IDO2: variants seen among roughly 807,000 people sequenced by gnomAD.
The protein encoded by IDO2 is indoleamine 2,3-dioxygenase 2.
IDO2 carries 46 observed loss-of-function variants against 45.1 expected under a neutral mutation model. The observed-to-expected ratio is 1.02, with a 90% CI of 0.80 to 1.30. The LOEUF (loss-of-function observed/expected upper bound fraction) is 1.30. Among genes scored for constraint, IDO2 ranks in the 50% most tolerant of loss-of-function variants. The probability of loss-of-function intolerance (pLI) is 0.00; values close to 1 mark genes in which losing one functional copy is unlikely to be tolerated. For missense variants in IDO2, 544 were observed against 491.8 expected, an observed-to-expected ratio of 1.11 and a Z score of -1.00; for synonymous variants, 218 against 184.9, an observed-to-expected ratio of 1.18 and a Z score of -1.45.
chr8:40,002,113 C>T (rs1802146831), intron 8 of IDO2, among the ~76,000 whole-genome samples: 1 of 152,106 alleles, frequency 6.6e-6, no homozygotes, highest in Non-Finnish European at 1.5e-5. Context: ...GTATTTTCTT[C>T]TAAAGTTGTT....
At chr8:39,940,100 C>T (rs1209103458) in intron 1 of IDO2, among the ~76,000 whole-genome samples, 1 of 152,270 alleles carries the variant, frequency 6.6e-6, no homozygotes, top group South Asian at 2.1e-4. Context: ...TTTCTAAGCA[C>T]AATTGTCTCT....
chr8:39,959,070 T>C (rs565371662), intron 2 of IDO2, among the ~76,000 whole-genome samples: 1 of 152,154 alleles, frequency 6.6e-6, no homozygotes, highest in Admixed American at 6.5e-5. Context: ...TGATTAATAC[T>C]GTTGTGCTAC....
intron 9 of IDO2, 68 bp from the exon 10 acceptor site, chr8:40,013,497 T>G (rs1182608430): frequency 2.8e-6 from 4 of 1,438,058 alleles, no homozygotes; most frequent in African/African-American, 1.4e-5. Context: ...ACTCTCAGTT[T>G]CCATGTCAGA....
chr8:40,003,965 CT>C (rs1451406041), intron 8 of IDO2, among the ~76,000 whole-genome samples: 2 of 150,150 alleles, frequency 1.3e-5, no homozygotes, highest in African/African-American at 5.0e-5. Flanking sequence ...TTTTTTACAT[CT>C]ATTGAAATCA....
intron 6 of IDO2, 46 bp downstream of exon 6, chr8:39,985,568 T>G (rs1808410763): frequency 1.2e-5 from 18 of 1,490,758 alleles, no homozygotes; most frequent in East Asian, 2.4e-5. Flanking sequence ...CCAGGCCAAA[T>G]TTAAAATCTT....
At chr8:39,952,498 T>G (rs142160761) in intron 2 of IDO2, among the ~76,000 whole-genome samples, 171 of 152,310 alleles carry the variant, frequency 1.1e-3, no homozygotes, top group African/African-American at 3.8e-3. Context: ...CAGTCTGACT[T>G]AGTTTCAAAT....
chr8:40,014,355 T>C (rs1015273850), intron 10 of IDO2, among the ~76,000 whole-genome samples: 1 of 152,246 alleles, frequency 6.6e-6, no homozygotes, highest in Non-Finnish European at 1.5e-5. Context: ...ACATTAATGG[T>C]TGATTTACTT....
At chr8:39,974,728 C>T (rs1172009752) in intron 3 of IDO2, among the ~76,000 whole-genome samples, 3 of 152,190 alleles carry the variant, frequency 2.0e-5, no homozygotes, top group Non-Finnish European at 4.4e-5. Context: ...CTAGACCATC[C>T]TGGCCAATAT....
At chr8:39,952,728 C>T (rs914815324) in intron 2 of IDO2, among the ~76,000 whole-genome samples, 1 of 151,256 alleles carries the variant, frequency 6.6e-6, no homozygotes, top group East Asian at 1.9e-4. Flanking sequence ...CAGCAGGAGA[C>T]AAGAGTGAAG....
At chr8:40,004,574 A>ATAGATAGATGATAGT (rs1563441380) in intron 8 of IDO2, among the ~76,000 whole-genome samples, 82 of 151,320 alleles carry the variant, frequency 5.4e-4, no homozygotes, top group Non-Finnish European at 8.8e-4. Flanking sequence ...TAGACGATAG[A>ATAGATAGATGATAGT]TAGATAGATA....
chr8:40,013,745 T>C (rs755512940), intron 10 of IDO2, 32 bp downstream of exon 10: 1 of 1,510,204 alleles, frequency 6.6e-7, no homozygotes, highest in South Asian at 1.3e-5. Flanking sequence ...CCCTTGAGAG[T>C]AGAGGGAGGA....
chr8:40,006,171 C>CG (rs1802216735), intron 9 of IDO2, among the ~76,000 whole-genome samples: 1 of 152,262 alleles, frequency 6.6e-6, no homozygotes, highest in East Asian at 1.9e-4. Context: ...TTTGACTTAC[C>CG]ATTTTTTGAC....
At chr8:40,010,864 T>C (rs1802300054) in intron 9 of IDO2, among the ~76,000 whole-genome samples, 1 of 152,208 alleles carries the variant, frequency 6.6e-6, no homozygotes, top group Admixed American at 6.5e-5. Flanking sequence ...GTGGTCTAGC[T>C]ATCAGTGTAA....
chr8:39,991,767 C>T (rs1408774995), intron 8 of IDO2, among the ~76,000 whole-genome samples: 1 of 152,106 alleles, frequency 6.6e-6, no homozygotes, highest in African/African-American at 2.4e-5. Flanking sequence ...GATGGGGTTT[C>T]GCCATGTTGG....
chr8:39,938,428 A>C (rs1807590714), intron 1 of IDO2, among the ~76,000 whole-genome samples: 1 of 152,166 alleles, frequency 6.6e-6, no homozygotes, highest in Non-Finnish European at 1.5e-5. Context: ...TCATTTAATA[A>C]TTATTTTAAA....
chr8:39,989,232 T>C (rs911279533), intron 7 of IDO2, among the ~76,000 whole-genome samples: 4 of 152,066 alleles, frequency 2.6e-5, no homozygotes, highest in African/African-American at 9.7e-5. Context: ...CCTCGTATCA[T>C]GAGAACAGTA....
intron 3 of IDO2, among the ~76,000 whole-genome samples, chr8:39,968,798 A>G (rs1056483314): frequency 1.3e-5 from 2 of 152,098 alleles, no homozygotes; most frequent in Non-Finnish European, 2.9e-5. Context: ...TGACAGGCGC[A>G]GCAAACCACC....
At chr8:39,944,351 A>G (rs1807700638) in intron 1 of IDO2, among the ~76,000 whole-genome samples, 1 of 152,078 alleles carries the variant, frequency 6.6e-6, no homozygotes, top group Non-Finnish European at 1.5e-5. Context: ...CCACAATGTG[A>G]GTCTCTGTTC....
chr8:40,011,339 G>A (rs1030655447), intron 9 of IDO2, among the ~76,000 whole-genome samples: 55 of 152,332 alleles, frequency 3.6e-4, no homozygotes, highest in African/African-American at 1.2e-3. Context: ...GAAGGAGCTA[G>A]TGAAAAAGCC....
Sources: allele counts gnomAD v4.1 joint callset (sites outside exome capture counted in the v4.1 genomes callset), GRCh38; gene constraint gnomAD v4.1.1; transcripts MANE v1.5; gene names NCBI Gene and HGNC (gene_info 2026-07-23, HGNC 2026-07-21).